Variants in CNTN5 observed in about 807,000 individuals in gnomAD.
CNTN5 encodes contactin 5.
CNTN5 carries 77 observed loss-of-function variants against 129.1 expected under a neutral mutation model. That is an observed-to-expected ratio of 0.60 (90% CI 0.50 to 0.72). CNTN5 has a LOEUF of 0.72. Among genes scored for constraint, CNTN5 ranks in the 30% least tolerant of loss-of-function variants. The probability of loss-of-function intolerance (pLI) is 0.00; values close to 1 mark genes in which losing one functional copy is unlikely to be tolerated. For synonymous variants in CNTN5, 509 were observed against 465.6 expected, an observed-to-expected ratio of 1.09 and a Z score of -1.20; for missense variants, 1,478 against 1,328.8, an observed-to-expected ratio of 1.11 and a Z score of -1.75.
intron 2 of CNTN5, among the ~76,000 whole-genome samples, chr11:99,505,176 C>T (rs996518158): frequency 1.1e-4 from 16 of 152,022 alleles, no homozygotes; most frequent in African/African-American, 2.2e-4. Context: ...TGAAAGAAAG[C>T]GCTGGACTTG....
intron 13 of CNTN5, among the ~76,000 whole-genome samples, chr11:100,138,266 C>T (rs1421565): frequency 0.37 from 56,481 of 151,192 alleles, 10,846 homozygotes; most frequent in East Asian, 0.62. Context: ...AAAAATGAAC[C>T]GATACCAAAC....
chr11:99,332,034 G>A (rs1449680308), intron 2 of CNTN5, among the ~76,000 whole-genome samples: 1 of 152,110 alleles, frequency 6.6e-6, no homozygotes. Context: ...CTCAAGATGA[G>A]TTAATGATAA....
At chr11:100,131,999 C>T (rs966085030) in intron 13 of CNTN5, among the ~76,000 whole-genome samples, 4 of 151,962 alleles carry the variant, frequency 2.6e-5, no homozygotes, top group Admixed American at 1.3e-4. Flanking sequence ...TGTACACAGG[C>T]GCAGTTTAGA....
chr11:99,190,486 G>A (rs1195111779), intron 1 of CNTN5, among the ~76,000 whole-genome samples: 3 of 151,574 alleles, frequency 2.0e-5, no homozygotes, highest in Admixed American at 1.3e-4. Context: ...ATATCTTTGG[G>A]TAGTATGAAC....
chr11:99,346,119 A>G (rs148179511), intron 2 of CNTN5, among the ~76,000 whole-genome samples: 2 of 152,252 alleles, frequency 1.3e-5, no homozygotes, highest in African/African-American at 4.8e-5. Flanking sequence ...ATCTAATTCT[A>G]TATTTGACTT....
At chr11:99,935,277 C>T (rs1189223065) in intron 7 of CNTN5, among the ~76,000 whole-genome samples, 2 of 151,472 alleles carry the variant, frequency 1.3e-5, no homozygotes, top group Non-Finnish European at 2.9e-5. Context: ...TTCTTAGTTC[C>T]CCCAAGAATG....
chr11:99,835,225 G>A (rs1429692186), intron 4 of CNTN5, among the ~76,000 whole-genome samples: 3 of 152,226 alleles, frequency 2.0e-5, no homozygotes, highest in Admixed American at 6.5e-5. Context: ...AAAAGGGTAT[G>A]AAGAGATTTA....
chr11:99,506,264 A>T (rs1317407646), intron 2 of CNTN5, among the ~76,000 whole-genome samples: 1 of 152,146 alleles, frequency 6.6e-6, no homozygotes, highest in Non-Finnish European at 1.5e-5. Flanking sequence ...CAAAATAAGT[A>T]TTTCCATAAT....
chr11:99,408,017 C>T (rs999193934), intron 2 of CNTN5, among the ~76,000 whole-genome samples: 3 of 152,024 alleles, frequency 2.0e-5, no homozygotes, highest in African/African-American at 7.2e-5. Flanking sequence ...GAAGTTAAAA[C>T]CAGGTATTGT....
chr11:99,934,898 G>GTA (rs200635742), intron 7 of CNTN5, among the ~76,000 whole-genome samples: 7 of 67,936 alleles, frequency 1.0e-4, no homozygotes, highest in African/African-American at 7.0e-4. Context: ...GTGTGTGTGT[G>GTA]TATATATATA....
chr11:99,925,178 A>AG, intron 7 of CNTN5, among the ~76,000 whole-genome samples: 1 of 152,296 alleles, frequency 6.6e-6, no homozygotes, highest in Non-Finnish European at 1.5e-5. Context: ...CATATCCATC[A>AG]GGGGGAATAC....
At chr11:99,172,067 A>G (rs1289136460) in intron 1 of CNTN5, among the ~76,000 whole-genome samples, 1 of 152,222 alleles carries the variant, frequency 6.6e-6, no homozygotes, top group Non-Finnish European at 1.5e-5. Flanking sequence ...ACATTTAGAA[A>G]CAGATCTTTA....
chr11:100,141,792 A>C (rs2138258718), intron 13 of CNTN5, among the ~76,000 whole-genome samples: 1 of 152,218 alleles, frequency 6.6e-6, no homozygotes, highest in South Asian at 2.1e-4. Context: ...GAAAATTCTT[A>C]TATATTATGA....
intron 1 of CNTN5, among the ~76,000 whole-genome samples, chr11:99,284,655 GTGTGT>G (rs1863855009): frequency 9.6e-5 from 12 of 125,030 alleles, no homozygotes; most frequent in African/African-American, 1.8e-4. Context: ...GTGTGTGTGT[GTGTGT>G]GGTGTGTGTA....
intron 2 of CNTN5, among the ~76,000 whole-genome samples, chr11:99,391,236 A>C (rs1941244037): frequency 6.6e-6 from 1 of 152,144 alleles, no homozygotes; most frequent in Non-Finnish European, 1.5e-5. Flanking sequence ...TGGTTCTTGA[A>C]CTGTTAATCG....
In CNTN5 at chr11:99,500,048, T is replaced by G. The variant is rs528466478; in HGVS notation, c.-70-56097T>G. Among the ~76,000 whole-genome samples the G allele has an allele frequency of 2.7e-4, 41 of 152,270 alleles. No individual in the cohort carries two copies. In the East Asian group the frequency reaches 7.9e-3, roughly 29 times the overall value. The stretch of plus-strand genomic sequence containing the variant: ...ACCATGTTGAGTTCTGGGTTGTAGC[T>G]TCCAATGAAATGGGGATCTGAAAGT... On this transcript the variant is annotated intron_variant, in intron 2 of 24. Coordinates refer to ENST00000524871, the MANE Select transcript of CNTN5 (RefSeq NM_014361.4).
intron 13 of CNTN5, among the ~76,000 whole-genome samples, chr11:100,088,242 G>A (rs976476605): frequency 3.3e-5 from 5 of 151,592 alleles, no homozygotes; most frequent in Non-Finnish European, 7.4e-5. Flanking sequence ...CTGAAAAGCA[G>A]TGTTAAGAGG....
At chr11:99,494,797 T>A (rs571576089) in intron 2 of CNTN5, among the ~76,000 whole-genome samples, 1 of 152,312 alleles carries the variant, frequency 6.6e-6, no homozygotes, top group South Asian at 2.1e-4. Context: ...GTATAATTAT[T>A]GTTTCTTCCC....
At chr11:99,873,554 C>T (rs1476469607) in intron 6 of CNTN5, among the ~76,000 whole-genome samples, 1 of 151,974 alleles carries the variant, frequency 6.6e-6, no homozygotes, top group Non-Finnish European at 1.5e-5. Flanking sequence ...ATTAAGAGGT[C>T]AACAAACAAC....
Sources: gnomAD v4.1 joint callset for allele counts (sites outside exome capture counted in the v4.1 genomes callset) on GRCh38, gnomAD v4.1.1 for gene constraint, MANE v1.5 for transcripts, NCBI Gene and HGNC (gene_info 2026-07-23, HGNC 2026-07-21) for gene names.